TSPAN18: variants seen among roughly 807,000 people sequenced by gnomAD.
TSPAN18 encodes tetraspanin-18.
Under a neutral mutation model 27.3 loss-of-function variants are expected in TSPAN18, and 14 were observed. The observed-to-expected ratio is 0.51, with a 90% CI of 0.34 to 0.80. TSPAN18 has a LOEUF of 0.80. Ranked by LOEUF, TSPAN18 falls within the 30% of genes least tolerant of loss-of-function variation. TSPAN18 has a pLI of 0.01. For missense variants in TSPAN18, 268 were observed against 323.9 expected (o/e 0.83, Z 1.32); for synonymous variants, 143 against 136.5 (o/e 1.05, Z -0.33).
At chr11:44,742,499 G>A (rs945548645) in intron 1 of TSPAN18, among the ~76,000 whole-genome samples, 1 of 152,040 alleles carries the variant, frequency 6.6e-6, no homozygotes, top group Admixed American at 6.6e-5. Flanking sequence ...TAGTGGCATA[G>A]TCATCCAGCC....
At chr11:44,760,996 A>G (rs1405842770) in intron 1 of TSPAN18, among the ~76,000 whole-genome samples, 1 of 152,056 alleles carries the variant, frequency 6.6e-6, no homozygotes, top group Admixed American at 6.6e-5. Flanking sequence ...CCTGCTACAC[A>G]TTTCTTATCG....
intron 2 of TSPAN18, among the ~76,000 whole-genome samples, chr11:44,779,463 G>C (rs907308764): frequency 1.3e-5 from 2 of 152,156 alleles, no homozygotes; most frequent in Non-Finnish European, 2.9e-5. Flanking sequence ...CCTGGAGAAG[G>C]TTAATGGGAT....
intron 8 of TSPAN18, 136 bp downstream of exon 8, chr11:44,920,135 G>C (rs896394254): frequency 2.2e-6 from 2 of 897,720 alleles, no homozygotes; most frequent in African/African-American, 3.4e-5. Context: ...CATGATATGG[G>C]ATGCCTGCAC....
chr11:44,804,949 G>A (rs191954917), intron 2 of TSPAN18, among the ~76,000 whole-genome samples: 75 of 152,332 alleles, frequency 4.9e-4, no homozygotes, highest in African/African-American at 1.8e-3. Flanking sequence ...CCTGGGGAGG[G>A]CTTGGGGAGG....
chr11:44,801,691 C>G (rs1476764837), intron 2 of TSPAN18, among the ~76,000 whole-genome samples: 1 of 152,204 alleles, frequency 6.6e-6, no homozygotes, highest in Non-Finnish European at 1.5e-5. Context: ...GGAGGAGTTA[C>G]TAGCCTTTTC....
At chr11:44,862,640 C>T (rs1421192248) in intron 3 of TSPAN18, among the ~76,000 whole-genome samples, 1 of 152,254 alleles carries the variant, frequency 6.6e-6, no homozygotes, top group Non-Finnish European at 1.5e-5. Flanking sequence ...TCAGGGTTCC[C>T]TGACCTCTCC....
At chr11:44,919,374 C>A (rs2135365867) in intron 7 of TSPAN18, 62 bp downstream of exon 7, 2 of 1,370,786 alleles carry the variant, frequency 1.5e-6, no homozygotes, top group Non-Finnish European at 2.1e-6. Context: ...GTTCACATGC[C>A]CACGCCAGGC....
At chr11:44,891,129 C>A (rs1332465386) in intron 3 of TSPAN18, among the ~76,000 whole-genome samples, 3 of 152,188 alleles carry the variant, frequency 2.0e-5, no homozygotes, top group Non-Finnish European at 4.4e-5. Flanking sequence ...CATGATCATG[C>A]CACTGCATTC....
At chr11:44,768,200 C>T (rs1007644842) in intron 2 of TSPAN18, among the ~76,000 whole-genome samples, 2 of 152,204 alleles carry the variant, frequency 1.3e-5, no homozygotes, top group East Asian at 1.9e-4. Context: ...GAAGAACTGA[C>T]ATCTTGACAT....
chr11:44,809,958 A>C (rs1044327119), intron 2 of TSPAN18, among the ~76,000 whole-genome samples: 4 of 152,156 alleles, frequency 2.6e-5, no homozygotes, highest in Non-Finnish European at 5.9e-5. Context: ...TTGATGGAGG[A>C]GGAAACGGCG....
intron 2 of TSPAN18, among the ~76,000 whole-genome samples, chr11:44,847,012 T>C (rs990246490): frequency 1.3e-5 from 2 of 152,168 alleles, no homozygotes; most frequent in South Asian, 2.1e-4. Context: ...GTGGGAAGAT[T>C]CGCGAAGCAC....
chr11:44,906,779 T>C (rs1267316081), intron 4 of TSPAN18, among the ~76,000 whole-genome samples: 4 of 151,752 alleles, frequency 2.6e-5, no homozygotes, highest in African/African-American at 9.7e-5. Flanking sequence ...TCGTGGAGAG[T>C]GGGAAAGGAG....
intron 3 of TSPAN18, among the ~76,000 whole-genome samples, chr11:44,891,426 A>C (rs1858847252): frequency 1.3e-5 from 2 of 152,106 alleles, no homozygotes; most frequent in South Asian, 4.2e-4. Flanking sequence ...CGGAGAGTGG[A>C]CACACCCTCT....
chr11:44,727,351 C>G (rs986149114), intron 1 of TSPAN18, 64 bp downstream of exon 1: 6 of 151,980 alleles, frequency 3.9e-5, no homozygotes, highest in Non-Finnish European at 8.8e-5. Context: ...GACCTGGGGA[C>G]CCCCCCGCGC....
chr11:44,756,733 C>T (rs766839092), intron 1 of TSPAN18, among the ~76,000 whole-genome samples: 8 of 152,144 alleles, frequency 5.3e-5, no homozygotes, highest in Non-Finnish European at 8.8e-5. Context: ...TATGTTGCAG[C>T]GTGTCAGAAT....
In TSPAN18 at chr11:44,926,679, T is replaced by C. The variant is rs1311796501; in HGVS notation, c.621T>C (p.Cys207=). The stretch of plus-strand genomic sequence containing the variant: ...CTCTCATCCCTCCCTCCCAGGGCTG[T>C]TACACGGTGATCCTCAACACCTTCG... The part of the protein sequence containing the change: ...GRSLFLNKQG[C]YTVILNTFET... The change falls in exon 9 of 10, where the codon TGT becomes TGC. Residue 207 remains cysteine (C), a synonymous_variant. Coordinates refer to ENST00000520358, the MANE Select transcript of TSPAN18 (RefSeq NM_130783.5). 5 of 1,614,086 alleles carry C rather than the reference T, an allele frequency of 3.1e-6. No homozygotes were observed. In the African/African-American group the frequency reaches 4.0e-5, roughly 13 times the overall value.
chr11:44,929,388 T>A lies in TSPAN18; in HGVS notation c.*210T>A. The A allele has an allele frequency of 1.6e-6, 1 of 631,596 alleles. No individual in the cohort carries two copies. Among genetic ancestry groups the A allele is most frequent in the Non-Finnish European group, 2.7e-6 (1 of 371,472 alleles). The allele number at this position is 631,596 out of a possible 1,614,324, so 39.1% of individuals were successfully genotyped here. A position where few individuals can be genotyped will look rare whatever the true frequency, so the allele number is the denominator to read the frequency against. On this transcript the variant is annotated 3_prime_UTR_variant, in exon 10 of 10. Coordinates refer to ENST00000520358, the MANE Select transcript of TSPAN18 (RefSeq NM_130783.5). ...TGGACTGATGTATCCTCGCCTGGAC[T>A]CAGGGCAGGTGCCGTGGGTTCTCCA...
At chr11:44,873,781 C>G (rs1858255811) in intron 3 of TSPAN18, among the ~76,000 whole-genome samples, 1 of 152,194 alleles carries the variant, frequency 6.6e-6, no homozygotes, top group Non-Finnish European at 1.5e-5. Flanking sequence ...TACCTGGATA[C>G]AGAGGCACTG....
chr11:44,845,921 C>A (rs1372420486), intron 2 of TSPAN18, among the ~76,000 whole-genome samples: 2 of 152,220 alleles, frequency 1.3e-5, no homozygotes, highest in Non-Finnish European at 2.9e-5. Context: ...AAATGGACTT[C>A]CAGTGGAGAG....
Sources: gnomAD v4.1 joint callset for allele counts (sites outside exome capture counted in the v4.1 genomes callset) on GRCh38, gnomAD v4.1.1 for gene constraint, MANE v1.5 for transcripts, NCBI Gene and HGNC (gene_info 2026-07-23, HGNC 2026-07-21) for gene names.